Variants in SERAC1 observed in about 807,000 individuals in gnomAD.
SERAC1 encodes serine active site containing 1.
SERAC1 carries 36 observed loss-of-function variants against 85.7 expected under a neutral mutation model. The ratio of observed to expected loss-of-function variants is 0.42; its 90% CI spans 0.32 to 0.55. The LOEUF is 0.55. SERAC1 is among the 20% of genes least tolerant of loss of function. The pLI is 0.11. For synonymous variants in SERAC1, 242 were observed against 265.3 expected (o/e 0.91, Z 0.85); for missense variants, 629 against 796.2 (o/e 0.79, Z 2.53).
intron 5 of SERAC1, 69 bp from the exon 6 acceptor site, chr6:158,146,982 G>A: frequency 2.7e-6 from 4 of 1,505,118 alleles, no homozygotes; most frequent in Non-Finnish European, 3.6e-6. Flanking sequence ...ACTTTAAGAT[G>A]GTAATTTATA....
chr6:158,164,711 T>C (rs1785558990), intron 1 of SERAC1, among the ~76,000 whole-genome samples: 1 of 152,164 alleles, frequency 6.6e-6, no homozygotes, highest in African/African-American at 2.4e-5. Context: ...GAGTGAAACA[T>C]CATTTCATGC....
chr6:158,111,328 C>T lies in SERAC1; in HGVS notation c.*38G>A. On this transcript the variant is annotated 3_prime_UTR_variant, in exon 17 of 17. Coordinates refer to ENST00000647468, the MANE Select transcript of SERAC1 (RefSeq NM_032861.4). ...AAGAAACAGAACACCAAGTTTCTTGCACTGAATTCACATATGAAAACTGGA... is the reference window on the plus strand; with the variant it reads ...AAGAAACAGAACACCAAGTTTCTTGTACTGAATTCACATATGAAAACTGGA... 3.2e-6 allele frequency: 5 copies of T among 1,538,538 alleles called. No individual in the cohort carries two copies. Among genetic ancestry groups the T allele is most frequent in the Non-Finnish European group, 4.4e-6 (5 of 1,147,088 alleles).
intron 8 of SERAC1, among the ~76,000 whole-genome samples, chr6:158,133,081 T>C (rs1196906695): frequency 2.0e-5 from 3 of 151,902 alleles, no homozygotes; most frequent in Non-Finnish European, 4.4e-5. Context: ...CTGAGACAAG[T>C]GGATTGCTTG....
At chr6:158,152,997 G>C (rs1156828716) in intron 3 of SERAC1, among the ~76,000 whole-genome samples, 2 of 152,066 alleles carry the variant, frequency 1.3e-5, no homozygotes, top group Non-Finnish European at 2.9e-5. Context: ...ATAATAAATA[G>C]CTGCATAATC....
At chr6:158,116,335 T>C (rs1784289189) in intron 13 of SERAC1, 53 bp from the exon 14 acceptor site, 5 of 1,437,030 alleles carry the variant, frequency 3.5e-6, no homozygotes, top group Middle Eastern at 1.8e-4. Context: ...TCCCCTCAAT[T>C]TGCTGTCTAA....
rs150648895 is a variant in SERAC1 at position 158,127,029 on chromosome 6, A to G, written c.1015+1079T>C. Among the ~76,000 whole-genome samples, 588 of 148,932 alleles carry G rather than the reference A, an allele frequency of 3.9e-3. 6 individuals are homozygous for G. Among genetic ancestry groups the G allele is most frequent in the African/African-American group, 0.014 (563 of 40,202 alleles). On this transcript the variant is annotated intron_variant, in intron 10 of 16. Coordinates refer to ENST00000647468, the MANE Select transcript of SERAC1 (RefSeq NM_032861.4). ...GACCACACCACTGCACTCTAGCTTC[A>G]GCAACACAGTGAGATTCTCTCAAAA...
chr6:158,160,496 A>G (rs1206614387), intron 1 of SERAC1, among the ~76,000 whole-genome samples: 1 of 152,138 alleles, frequency 6.6e-6, no homozygotes, highest in African/African-American at 2.4e-5. Context: ...CTTTATCCCT[A>G]TTAACATTTA....
rs1418782765 is a variant in SERAC1 at position 158,116,262 on chromosome 6, C to T, written c.1424G>A (p.Ser475Asn). ...PMERKSIAFR[S>N]NELLRKLRAA... ...TCTGAGCTTCCTAAGAAGTTCGTTG[C>T]TTCTGAATGCAATGGACTTTCTGAA... The change falls in exon 14 of 17, where the codon AGC (serine) becomes AAC (asparagine). Residue 475 changes from serine to asparagine, a missense_variant. By Grantham distance (46) the Ser-to-Asn change is conservative. Transcript: ENST00000647468. 6.2e-7 allele frequency: 1 copy of T among 1,614,098 alleles called. No homozygotes were observed. Among genetic ancestry groups the T allele is most frequent in the Non-Finnish European group, 8.5e-7 (1 of 1,179,952 alleles).
chr6:158,148,723 G>A (rs938861176), intron 5 of SERAC1, 142 bp downstream of exon 5: 6 of 573,926 alleles, frequency 1.0e-5, no homozygotes, highest in East Asian at 1.0e-4. Context: ...GATTACAAGC[G>A]TGAGCCACCA....
chr6:158,140,090 A>C (rs1784880692), intron 8 of SERAC1, among the ~76,000 whole-genome samples: 1 of 152,240 alleles, frequency 6.6e-6, no homozygotes, highest in Non-Finnish European at 1.5e-5. Context: ...AAAGACATGC[A>C]CATAAATGTT....
rs570922106 is a variant in SERAC1 at position 158,114,697 on chromosome 6, G to GAGATAATACATTCAAGGAATATAAAATA, written c.1684+91_1684+92insTATTTTATATTCCTTGAATGTATTATCT. 1,814 of 1,583,624 alleles carry GAGATAATACATTCAAGGAATATAAAATA rather than the reference G, an allele frequency of 1.1e-3. 23 individuals are homozygous for GAGATAATACATTCAAGGAATATAAAATA. In the African/African-American group the frequency reaches 0.022, roughly 19 times the overall value. Reference sequence around the variant, plus strand: ...CACAATTATATACAAATTATAAAATGAGATAATACATTCAAGGAAGAAACT... The same window carrying GAGATAATACATTCAAGGAATATAAAATA: ...CACAATTATATACAAATTATAAAATGAGATAATACATTCAAGGAATATAAAATAAGATAATACATTCAAGGAAGAAACT... On this transcript the variant is annotated intron_variant, in intron 15 of 16. Coordinates refer to ENST00000647468, the MANE Select transcript of SERAC1 (RefSeq NM_032861.4).
intron 2 of SERAC1, among the ~76,000 whole-genome samples, chr6:158,155,828 A>G (rs1376948170): frequency 6.6e-6 from 1 of 152,242 alleles, no homozygotes; most frequent in Non-Finnish European, 1.5e-5. Context: ...ATGGTTAGGT[A>G]CATACGTACG....
At chr6:158,122,364 A>AT (rs1784442684) in intron 10 of SERAC1, among the ~76,000 whole-genome samples, 1 of 152,268 alleles carries the variant, frequency 6.6e-6, no homozygotes, top group Admixed American at 6.5e-5. Context: ...GTAGCATCTA[A>AT]TGATGAAAGT....
In SERAC1 at chr6:158,119,036, C is replaced by T; in HGVS notation, c.1301G>A (p.Trp434Ter). The T allele has an allele frequency of 6.2e-7, 1 of 1,612,596 alleles. No individual in the cohort carries two copies. The highest frequency in any genetic ancestry group is 8.5e-7 in the Non-Finnish European group (1 of 1,179,238). The change falls in exon 12 of 17, where the codon TGG becomes TAG. Residue 434 changes from tryptophan to a stop codon, truncating the protein, a stop_gained. Transcript: ENST00000647468. LOFTEE classifies it high-confidence loss of function. The surrounding 1 kb of genome is among the most constrained non-coding windows in gnomAD (Gnocchi z 4.5). ...AGTCAGTGGCTCCCTTACCTTGGGC[C>T]AGCACGTCGTATATCTGTCTTCATC... ...MEDEDRYTTCWPKTWLAKDCP... is the reference protein window; with the variant it reads ...MEDEDRYTTC
At position 158,143,015 on chromosome 6, in the gene SERAC1, G is replaced by A. The variant is rs183977693; in HGVS notation, c.738+41C>T. On this transcript the variant is annotated intron_variant, in intron 8 of 16. Transcript: ENST00000647468. ...ACTGACACAATACATTGGAAAGGGT[G>A]GACACTCAAAAATATTTACTGAATG... is the stretch of plus-strand genomic sequence containing the variant. 2.7e-6 allele frequency: 4 copies of A among 1,506,882 alleles called. No homozygotes were observed. In the Admixed American group the frequency reaches 7.0e-5, roughly 26 times the overall value. The allele number at this position is 1,506,882 out of a possible 1,614,324, so 93.3% of individuals were successfully genotyped here.
chr6:158,113,809 T>C (rs1784207557), intron 15 of SERAC1, among the ~76,000 whole-genome samples: 1 of 152,076 alleles, frequency 6.6e-6, no homozygotes, highest in South Asian at 2.1e-4. Context: ...GGAGAGGGTT[T>C]ATCACATTAC....
At chr6:158,153,067 C>T (rs1397394573) in intron 3 of SERAC1, among the ~76,000 whole-genome samples, 4 of 152,152 alleles carry the variant, frequency 2.6e-5, no homozygotes, top group African/African-American at 4.8e-5. Context: ...GTGTCCCTCC[C>T]GGATAATGAT....
intron 5 of SERAC1, among the ~76,000 whole-genome samples, 194 bp from the exon 6 acceptor site, chr6:158,147,107 T>C (rs1427087997): frequency 1.3e-5 from 2 of 152,126 alleles, no homozygotes; most frequent in African/African-American, 4.8e-5. Flanking sequence ...ATGAATACTG[T>C]GTGTGCTTTT....
chr6:158,147,526 C>T (rs1291623306), intron 5 of SERAC1, among the ~76,000 whole-genome samples: 4 of 150,620 alleles, frequency 2.7e-5, no homozygotes, highest in Admixed American at 2.0e-4. Context: ...TTTGGGAGGC[C>T]GAGGCAGGCG....
Sources: allele counts gnomAD v4.1 joint callset (sites outside exome capture counted in the v4.1 genomes callset), GRCh38; gene constraint gnomAD v4.1.1; non-coding constraint Gnocchi (gnomAD v3.1); transcripts MANE v1.5; gene names NCBI Gene and HGNC (gene_info 2026-07-23, HGNC 2026-07-21).